Variants in INPP4B observed in about 807,000 individuals in gnomAD.
INPP4B encodes inositol polyphosphate 4-phosphatase type II.
INPP4B carries 55 observed loss-of-function variants against 122.5 expected under a neutral mutation model. That is an observed-to-expected ratio of 0.45 (90% CI 0.36 to 0.56). The LOEUF is 0.56. INPP4B is among the 20% of genes least tolerant of loss of function. The pLI is 0.00. For synonymous variants in INPP4B, 403 were observed against 388.7 expected (o/e 1.04, Z -0.43); for missense variants, 1,000 against 1,097.7 (o/e 0.91, Z 1.26).
At chr4:142,118,091 G>A (rs1374056691) in intron 21 of INPP4B, among the ~76,000 whole-genome samples, 2 of 152,168 alleles carry the variant, frequency 1.3e-5, no homozygotes, top group African/African-American at 2.4e-5. Context: ...TACAAGGGAT[G>A]TGAAGGACCT....
At chr4:142,474,648 C>A (rs1819508334) in intron 2 of INPP4B, among the ~76,000 whole-genome samples, 1 of 152,178 alleles carries the variant, frequency 6.6e-6, no homozygotes, top group South Asian at 2.1e-4. Context: ...CAGACTACCC[C>A]ACTGACTCCT....
intron 3 of INPP4B, among the ~76,000 whole-genome samples, chr4:142,457,724 A>G (rs1426846972): frequency 6.6e-6 from 1 of 152,188 alleles, no homozygotes; most frequent in Non-Finnish European, 1.5e-5. Context: ...AAAATAGTAT[A>G]GTTACTTTGG....
chr4:142,188,516 A>AT (rs1381172815), intron 15 of INPP4B, among the ~76,000 whole-genome samples: 1 of 116,180 alleles, frequency 8.6e-6, no homozygotes, highest in South Asian at 3.0e-4. Context: ...AAAAAGAAAA[A>AT]AAATATATAT....
intron 7 of INPP4B, among the ~76,000 whole-genome samples, chr4:142,348,231 A>C (rs1463835488): frequency 4.6e-5 from 7 of 152,034 alleles, no homozygotes; most frequent in Non-Finnish European, 8.8e-5. Context: ...CAACAAGGTC[A>C]TTGAAGAGCC....
intron 2 of INPP4B, among the ~76,000 whole-genome samples, chr4:142,578,568 C>T (rs1734335525): frequency 6.6e-6 from 1 of 151,872 alleles, no homozygotes; most frequent in African/African-American, 2.4e-5. Context: ...GCACAGACAT[C>T]CCTGGTCTCT....
chr4:142,581,533 A>G (rs1735068282), intron 2 of INPP4B, among the ~76,000 whole-genome samples: 1 of 106,398 alleles, frequency 9.4e-6, no homozygotes, highest in Non-Finnish European at 2.0e-5. Context: ...ATCTATTAGA[A>G]ATAGATAGAA....
intron 2 of INPP4B, among the ~76,000 whole-genome samples, chr4:142,561,913 A>G (rs1361687400): frequency 3.9e-5 from 6 of 152,076 alleles, no homozygotes; most frequent in African/African-American, 1.4e-4. Flanking sequence ...TTTTTTTTGC[A>G]AAGAGTTTCT....
intron 12 of INPP4B, among the ~76,000 whole-genome samples, chr4:142,219,017 T>C (rs1848384563): frequency 6.6e-6 from 1 of 152,138 alleles, no homozygotes; most frequent in Admixed American, 6.6e-5. Context: ...TGGATAAAAA[T>C]TGCATCCATA....
chr4:142,351,950 C>A (rs1330716954), intron 7 of INPP4B, among the ~76,000 whole-genome samples: 6 of 151,908 alleles, frequency 3.9e-5, no homozygotes, highest in African/African-American at 1.4e-4. Context: ...AAAGCAAAAG[C>A]AAAATACTAA....
At chr4:142,408,061 T>C (rs543480320) in intron 5 of INPP4B, among the ~76,000 whole-genome samples, 87 of 152,308 alleles carry the variant, frequency 5.7e-4, no homozygotes, top group African/African-American at 2.0e-3. Flanking sequence ...AATTAGTACA[T>C]GAGTCATTGC....
At chr4:142,824,455 C>A (rs6823627) in intron 1 of INPP4B, among the ~76,000 whole-genome samples, 40,845 of 151,790 alleles carry the variant, frequency 0.27, 5,689 homozygotes, top group South Asian at 0.35. Context: ...TATAACAGGC[C>A]AAGAGTAGTT....
chr4:142,738,452 C>A (rs1012919193), intron 1 of INPP4B, among the ~76,000 whole-genome samples: 2 of 151,802 alleles, frequency 1.3e-5, no homozygotes, highest in Non-Finnish European at 2.9e-5. Context: ...CACACTGGGG[C>A]CTGTTGTGGT....
At chr4:142,189,171 T>C (rs1342504080) in intron 15 of INPP4B, among the ~76,000 whole-genome samples, 2 of 152,192 alleles carry the variant, frequency 1.3e-5, no homozygotes, top group East Asian at 3.8e-4. Context: ...ACTGATCTTA[T>C]AGGTGACAAG....
chr4:142,740,876 G>A (rs543143436), intron 1 of INPP4B, among the ~76,000 whole-genome samples: 92 of 152,086 alleles, frequency 6.0e-4, no homozygotes, highest in African/African-American at 2.1e-3. Context: ...TAACTTAAAA[G>A]AGCAAATTAA....
chr4:142,624,383 T>A (rs1484478361), intron 2 of INPP4B, among the ~76,000 whole-genome samples: 2 of 151,740 alleles, frequency 1.3e-5, no homozygotes, highest in African/African-American at 4.8e-5. Flanking sequence ...GAAGTGTCTG[T>A]TCATGTCCTT....
rs371947503 is a variant in INPP4B, at chr4:142,650,932, C to T, written c.-191+74907G>A. ...ACAGAATATGCATTCTTCTCAGCAC[C>T]ACATCACACTTCTTCTAAAATTGAC... is the stretch of plus-strand genomic sequence containing the variant. On this transcript the variant is annotated intron_variant, in intron 2 of 25. Coordinates refer to ENST00000262992, the MANE Select transcript of INPP4B (RefSeq NM_001101669.3). Among the ~76,000 whole-genome samples, 146 of 152,272 alleles carry T rather than the reference C, an allele frequency of 9.6e-4. 2 individuals are homozygous for T. In the South Asian group the frequency reaches 0.03, roughly 31 times the overall value.
intron 25 of INPP4B, among the ~76,000 whole-genome samples, chr4:142,043,423 T>C (rs1749384194): frequency 6.6e-6 from 1 of 152,198 alleles, no homozygotes; most frequent in East Asian, 1.9e-4. Flanking sequence ...TCATCATTCA[T>C]TTCTTCTACA....
chr4:142,252,410 G>A (rs937876502), intron 11 of INPP4B, among the ~76,000 whole-genome samples: 1 of 151,754 alleles, frequency 6.6e-6, no homozygotes, highest in Non-Finnish European at 1.5e-5. Flanking sequence ...GGATGGTCTC[G>A]ATCTCCTGAC....
chr4:142,421,510 CATTTAGAATTTT>C (rs573816499), intron 5 of INPP4B, among the ~76,000 whole-genome samples: 332 of 152,084 alleles, frequency 2.2e-3, no homozygotes, highest in African/African-American at 7.8e-3. Flanking sequence ...GACTTGTGTT[CATTTAGAATTTT>C]AAAATGAGTC....
Sources: gnomAD v4.1 joint callset for allele counts (sites outside exome capture counted in the v4.1 genomes callset) on GRCh38, gnomAD v4.1.1 for gene constraint, MANE v1.5 for transcripts, NCBI Gene and HGNC (gene_info 2026-07-23, HGNC 2026-07-21) for gene names.